P2RY14: variants seen among roughly 807,000 people sequenced by gnomAD.
P2RY14 encodes the protein purinergic receptor P2Y14.
A neutral mutation model predicts 0.9 loss-of-function variants in P2RY14; 2 were observed. That is an observed-to-expected ratio of 2.16 (90% CI 0.88 to 6.79). The LOEUF (loss-of-function observed/expected upper bound fraction) is 6.79. Ranked by LOEUF, P2RY14 falls within the 30% of genes most tolerant of loss-of-function variation. P2RY14 has a pLI of 0.05. For missense variants in P2RY14, 378 were observed against 400.1 expected (o/e 0.94, Z 0.47); for synonymous variants, 158 against 147.2 (o/e 1.07, Z -0.53).
chr3:151,235,253 T>C (rs903747810), intron 1 of P2RY14, among the ~76,000 whole-genome samples: 1 of 152,190 alleles, frequency 6.6e-6, no homozygotes, highest in African/African-American at 2.4e-5. Context: ...TCTCATTAAA[T>C]TGTGAAAGAT....
intron 1 of P2RY14, chr3:151,269,762 GTGA>G (rs1217428794): frequency 1.4e-5 from 6 of 424,922 alleles, no homozygotes; most frequent in Admixed American, 5.5e-5. Flanking sequence ...AATGAGAGTG[GTGA>G]TCTATTTTTA....
At chr3:151,225,490 A>AGT in intron 1 of P2RY14, among the ~76,000 whole-genome samples, 1 of 152,290 alleles carries the variant, frequency 6.6e-6, no homozygotes, top group African/African-American at 2.4e-5. Context: ...TAATACCATT[A>AGT]ATTTGCTCAC....
chr3:151,247,425 A>G (rs977779318), intron 1 of P2RY14, among the ~76,000 whole-genome samples: 143 of 152,150 alleles, frequency 9.4e-4, no homozygotes, highest in African/African-American at 3.4e-3. Flanking sequence ...ATGGAATACT[A>G]TGCAGCCATA....
At chr3:151,253,822 C>T (rs1418279873) in intron 1 of P2RY14, among the ~76,000 whole-genome samples, 1 of 152,074 alleles carries the variant, frequency 6.6e-6, no homozygotes, top group Non-Finnish European at 1.5e-5. Flanking sequence ...TGTCCTTTTG[C>T]TGAGAGCAAT....
chr3:151,222,384 G>T (rs1729540206), intron 1 of P2RY14, among the ~76,000 whole-genome samples: 1 of 152,172 alleles, frequency 6.6e-6, no homozygotes, highest in Non-Finnish European at 1.5e-5. Context: ...GAATGATATG[G>T]TTTGGCTCTG....
At position 151,223,068 on chromosome 3, in the gene P2RY14, G is replaced by A. The variant is rs1287642385; in HGVS notation, c.-132-3426C>T. On this transcript the variant is annotated intron_variant, in intron 1 of 2. Transcript: ENST00000309170. Reference sequence around the variant, plus strand: ...TTCTCTTTGGAAAGAAAGAGGTTAAGTTCTGCATGGAGTAATAATCTCAGT... The same window carrying A: ...TTCTCTTTGGAAAGAAAGAGGTTAAATTCTGCATGGAGTAATAATCTCAGT... Among the ~76,000 whole-genome samples the A allele has an allele frequency of 2.0e-5, 3 of 151,396 alleles. No individual in the cohort carries two copies. In the East Asian group the frequency reaches 5.8e-4, roughly 29 times the overall value.
intron 1 of P2RY14, among the ~76,000 whole-genome samples, chr3:151,266,899 T>C (rs1739938379): frequency 6.6e-6 from 1 of 152,232 alleles, no homozygotes; most frequent in South Asian, 2.1e-4. Context: ...CTGTAACTTT[T>C]ATAAACCCCC....
rs551578008 is a variant in P2RY14, at chr3:151,212,973, T to A, written c.*327A>T. ...TTGTCTTTGATTATGTTGTGTTTTA[T>A]TTACTATTTAAATTTCTACATTAAC... is the stretch of plus-strand genomic sequence containing the variant. On this transcript the variant is annotated 3_prime_UTR_variant, in exon 3 of 3. Coordinates refer to ENST00000309170, the MANE Select transcript of P2RY14 (RefSeq NM_014879.4). The A allele has an allele frequency of 6.2e-6, 1 of 160,634 alleles. No individual in the cohort carries two copies. The highest frequency in any genetic ancestry group is 1.8e-4 in the East Asian group (1 of 5,670). The allele number at this position is 160,634 out of a possible 1,614,324, so 10.0% of individuals were successfully genotyped here.
chr3:151,272,128 G>A (rs1741064460), intron 1 of P2RY14, among the ~76,000 whole-genome samples: 1 of 152,176 alleles, frequency 6.6e-6, no homozygotes. Flanking sequence ...GAGGGCAGAA[G>A]TGACAGTGTG....
chr3:151,248,152 G>C (rs1343958462), intron 1 of P2RY14, among the ~76,000 whole-genome samples: 2 of 151,712 alleles, frequency 1.3e-5, no homozygotes, highest in African/African-American at 4.8e-5. Flanking sequence ...ATGAATGTTT[G>C]TTATTTAAAT....
chr3:151,221,380 A>G (rs71306544), intron 1 of P2RY14, among the ~76,000 whole-genome samples: 7,931 of 152,340 alleles, frequency 0.052, 291 homozygotes, highest in Middle Eastern at 0.099. Flanking sequence ...CTGAATGTTA[A>G]TCACCAAGAA....
chr3:151,263,755 C>A (rs1223135131), intron 1 of P2RY14, among the ~76,000 whole-genome samples: 7 of 106,826 alleles, frequency 6.6e-5, no homozygotes, highest in Non-Finnish European at 1.3e-4. Flanking sequence ...TTCCTGGATT[C>A]CCGTACCACC....
Position 151,262,674 on chromosome 3 carries a change from G to T in P2RY14, c.-133+15613C>A, listed in dbSNP as rs141798490. On this transcript the variant is annotated intron_variant, in intron 1 of 2. Coordinates refer to ENST00000309170, the MANE Select transcript of P2RY14 (RefSeq NM_014879.4). Reference sequence around the variant, plus strand: ...TAGAAAGCAGAAAATTAAAATCACCGACAGATTTATTCTTGGGTAACCAGT... The same window carrying T: ...TAGAAAGCAGAAAATTAAAATCACCTACAGATTTATTCTTGGGTAACCAGT... 6.4e-3 allele frequency among the ~76,000 whole-genome samples: 970 copies of T among 152,246 alleles called. 8 individuals carry two copies. Among genetic ancestry groups the T allele is most frequent in the Non-Finnish European group, 9.2e-3 (629 of 68,006 alleles).
chr3:151,213,500 A>G lies in P2RY14; in HGVS notation c.817T>C (p.Leu273=), dbSNP rs1727549826. Residue 273 remains leucine (L), a synonymous_variant, in exon 3 of 3, where the codon TTG becomes CTG. Transcript: ENST00000309170. ...AHYSCQSKEI[L]RYMKEFTLLL... is the part of the protein sequence containing the mutation. The stretch of plus-strand genomic sequence containing the variant: ...AGAGTGAATTCTTTCATATACCGCA[A>G]GATTTCTTTTGACTGGCAGCTGTAA... 2.5e-6 allele frequency: 4 copies of G among 1,614,168 alleles called. No individual in the cohort carries two copies. The highest frequency in any genetic ancestry group is 3.4e-6 in the Non-Finnish European group (4 of 1,180,016).
intron 1 of P2RY14, among the ~76,000 whole-genome samples, chr3:151,258,295 C>T (rs1373603178): frequency 6.6e-6 from 1 of 152,224 alleles, no homozygotes; most frequent in African/African-American, 2.4e-5. Flanking sequence ...TTCACTAGTT[C>T]TTCCCACTTT....
At chr3:151,269,958 C>A in intron 1 of P2RY14, 1 of 395,958 alleles carries the variant, frequency 2.5e-6, no homozygotes, top group Admixed American at 3.3e-5. Context: ...AATACTTGGA[C>A]AAATCCATTA....
At chr3:151,250,226 T>C (rs1049055636) in intron 1 of P2RY14, among the ~76,000 whole-genome samples, 20 of 152,182 alleles carry the variant, frequency 1.3e-4, no homozygotes, top group African/African-American at 4.3e-4. Flanking sequence ...CTCAATCCAA[T>C]TGACATTTTG....
intron 1 of P2RY14, among the ~76,000 whole-genome samples, chr3:151,233,478 A>G (rs1198012861): frequency 6.6e-6 from 1 of 152,248 alleles, no homozygotes; most frequent in African/African-American, 2.4e-5. Flanking sequence ...TCCCGCCTGT[A>G]ATCCCAACAC....
rs1727362928 is a variant in P2RY14, at chr3:151,212,641, T to C, written c.*659A>G. 6.6e-6 allele frequency: 1 copy of C among 152,146 alleles called. No individual in the cohort carries two copies. The highest frequency in any genetic ancestry group is 2.1e-4 in the South Asian group (1 of 4,828). The allele number at this position is 152,146 out of a possible 1,614,324, so 9.4% of individuals were successfully genotyped here. A position where few individuals can be genotyped will look rare whatever the true frequency, so the allele number is the denominator to read the frequency against. ...GACGTAAGTCTTTGTAGAAAACATA[T>C]TTAGCATGTATCTAATATCCTCAAA... On this transcript the variant is annotated 3_prime_UTR_variant, in exon 3 of 3. Coordinates refer to ENST00000309170, the MANE Select transcript of P2RY14 (RefSeq NM_014879.4).
Sources: gnomAD v4.1 joint callset for allele counts (sites outside exome capture counted in the v4.1 genomes callset) on GRCh38, gnomAD v4.1.1 for gene constraint, MANE v1.5 for transcripts, NCBI Gene and HGNC (gene_info 2026-07-23, HGNC 2026-07-21) for gene names.